The following RAB3C variants were observed in gnomAD, a reference collection of about 807,000 sequenced individuals.
The protein encoded by RAB3C is ras-related protein Rab-3C.
RAB3C carries 17 observed loss-of-function variants against 26.4 expected under a neutral mutation model. The ratio of observed to expected loss-of-function variants is 0.64; its 90% CI spans 0.44 to 0.97. The LOEUF is 0.97. Ranked by LOEUF, RAB3C falls within the 50% of genes least tolerant of loss-of-function variation. The probability of loss-of-function intolerance (pLI) is 0.00; values close to 1 mark genes in which losing one functional copy is unlikely to be tolerated. For synonymous variants in RAB3C, 91 were observed against 95.9 expected, an observed-to-expected ratio of 0.95 and a Z score of 0.30; for missense variants, 242 against 281.9, an observed-to-expected ratio of 0.86 and a Z score of 1.01.
chr5:58,629,409 T>G (rs1239816943), intron 2 of RAB3C, among the ~76,000 whole-genome samples: 1 of 152,202 alleles, frequency 6.6e-6, no homozygotes, highest in East Asian at 1.9e-4. Flanking sequence ...CATTTATGAA[T>G]GACTGCAGTG....
chr5:58,665,722 C>T (rs767127247), intron 2 of RAB3C, among the ~76,000 whole-genome samples: 4 of 152,140 alleles, frequency 2.6e-5, no homozygotes, highest in Non-Finnish European at 5.9e-5. Context: ...ATTCAAACTC[C>T]GTGTTACTCA....
intron 2 of RAB3C, among the ~76,000 whole-genome samples, chr5:58,686,667 AACAC>A (rs1388812684): frequency 6.7e-6 from 1 of 149,354 alleles, no homozygotes; most frequent in Non-Finnish European, 1.5e-5. Flanking sequence ...CTCACACACA[AACAC>A]ACACACATAC....
At chr5:58,795,813 G>T (rs551845603) in intron 3 of RAB3C, among the ~76,000 whole-genome samples, 73 of 151,708 alleles carry the variant, frequency 4.8e-4, no homozygotes, top group Middle Eastern at 6.9e-3. Flanking sequence ...GGGCAGAAGT[G>T]TGGGCATAAG....
intron 4 of RAB3C, among the ~76,000 whole-genome samples, chr5:58,832,857 C>G (rs1317019691): frequency 6.6e-6 from 1 of 152,150 alleles, no homozygotes; most frequent in Non-Finnish European, 1.5e-5. Flanking sequence ...AAAACTCGGG[C>G]TTTGTCCTAT....
chr5:58,833,467 C>T (rs1203409541), intron 4 of RAB3C, among the ~76,000 whole-genome samples: 2 of 152,054 alleles, frequency 1.3e-5, no homozygotes, highest in Non-Finnish European at 2.9e-5. Flanking sequence ...TTGATTTAGG[C>T]CCTCACCATG....
chr5:58,786,540 T>A (rs1742386324), intron 3 of RAB3C, among the ~76,000 whole-genome samples: 2 of 152,184 alleles, frequency 1.3e-5, no homozygotes, highest in African/African-American at 4.8e-5. Context: ...TTGTCTCAGC[T>A]CTTCTCCTGC....
chr5:58,845,594 C>CTATATATATATATA (rs147626783), intron 4 of RAB3C, among the ~76,000 whole-genome samples: 109 of 74,398 alleles, frequency 1.5e-3, no homozygotes, highest in East Asian at 2.7e-3. Context: ...GTGATTCTTA[C>CTATATATATATATA]TATATATATA....
intron 4 of RAB3C, among the ~76,000 whole-genome samples, chr5:58,833,073 A>G (rs1018070404): frequency 6.6e-6 from 1 of 152,036 alleles, no homozygotes; most frequent in African/African-American, 2.4e-5. Context: ...GGAATAGTAC[A>G]TTATATAATT....
At chr5:58,583,461 G>T (rs1378118419) in intron 1 of RAB3C, 1 of 568,640 alleles carries the variant, frequency 1.8e-6, no homozygotes, top group Non-Finnish European at 2.2e-6. Context: ...TCTAGGCTCT[G>T]TAAAGAGGAT....
intron 3 of RAB3C, among the ~76,000 whole-genome samples, chr5:58,751,149 C>T (rs181997369): frequency 6.8e-4 from 104 of 152,224 alleles, no homozygotes; most frequent in Non-Finnish European, 1.1e-3. Flanking sequence ...CCACCGTGCC[C>T]GGACCCGTCA....
intron 4 of RAB3C, among the ~76,000 whole-genome samples, chr5:58,843,045 A>AGT (rs1473530419): frequency 6.6e-6 from 1 of 152,214 alleles, no homozygotes; most frequent in Non-Finnish European, 1.5e-5. Context: ...TGGTTTACCA[A>AGT]GTGTGTGACT....
chr5:58,744,439 C>T (rs1050576692), intron 3 of RAB3C, among the ~76,000 whole-genome samples: 2 of 152,162 alleles, frequency 1.3e-5, no homozygotes, highest in Admixed American at 6.5e-5. Flanking sequence ...ATGCAGTCAT[C>T]GTCACACGAT....
At chr5:58,674,058 GT>G (rs905422547) in intron 2 of RAB3C, among the ~76,000 whole-genome samples, 12 of 152,212 alleles carry the variant, frequency 7.9e-5, no homozygotes, top group African/African-American at 2.9e-4. Context: ...ATAAGAGTAA[GT>G]TTGGGAGGAT....
chr5:58,594,838 A>G (rs191195317), intron 1 of RAB3C, among the ~76,000 whole-genome samples: 37 of 144,186 alleles, frequency 2.6e-4, no homozygotes, highest in African/African-American at 8.8e-4. Context: ...ATGTATTAAT[A>G]TTAACATGTA....
At chr5:58,829,311 TCTC>T (rs1483574943) in intron 4 of RAB3C, among the ~76,000 whole-genome samples, 1 of 152,174 alleles carries the variant, frequency 6.6e-6, no homozygotes, top group Non-Finnish European at 1.5e-5. Flanking sequence ...ATATGTACAA[TCTC>T]ATAATTTAAG....
At chr5:58,775,815 G>A (rs565275633) in intron 3 of RAB3C, among the ~76,000 whole-genome samples, 7 of 152,234 alleles carry the variant, frequency 4.6e-5, no homozygotes, top group African/African-American at 1.4e-4. Flanking sequence ...AAGCCTCCGG[G>A]CTTCGGTCTG....
intron 3 of RAB3C, among the ~76,000 whole-genome samples, chr5:58,727,891 A>G (rs1740924690): frequency 6.6e-6 from 1 of 152,036 alleles, no homozygotes; most frequent in Non-Finnish European, 1.5e-5. Flanking sequence ...TTTCAGACAT[A>G]CCACGTAATG....
intron 2 of RAB3C, among the ~76,000 whole-genome samples, chr5:58,646,358 T>C (rs949637703): frequency 3.3e-5 from 5 of 152,148 alleles, no homozygotes; most frequent in African/African-American, 9.7e-5. Flanking sequence ...ACACTAAGCA[T>C]TGATAAAGGT....
intron 2 of RAB3C, among the ~76,000 whole-genome samples, chr5:58,713,251 T>G (rs1423275669): frequency 6.6e-6 from 1 of 152,190 alleles, no homozygotes. Context: ...AAGTGGCAGC[T>G]GCTACTAGTT....
Sources: gnomAD v4.1 joint callset for allele counts (sites outside exome capture counted in the v4.1 genomes callset) on GRCh38, gnomAD v4.1.1 for gene constraint, MANE v1.5 for transcripts, NCBI Gene and HGNC (gene_info 2026-07-23, HGNC 2026-07-21) for gene names.